The following MAPRE2 variants were observed in gnomAD, a reference collection of about 807,000 sequenced individuals.
MAPRE2 encodes the protein microtubule-associated protein RP/EB family member 2.
A neutral mutation model predicts 43.2 loss-of-function variants in MAPRE2; 13 were observed. The ratio of observed to expected loss-of-function variants is 0.30; its 90% CI spans 0.20 to 0.48. The LOEUF is 0.48. Ranked by LOEUF, MAPRE2 falls within the 20% of genes least tolerant of loss-of-function variation. MAPRE2 has a pLI of 0.99. For missense variants in MAPRE2, 161 were observed against 400.2 expected (o/e 0.40, Z 5.10); for synonymous variants, 135 against 148.8 (o/e 0.91, Z 0.68).
intron 1 of MAPRE2, among the ~76,000 whole-genome samples, chr18:34,992,324 G>T (rs1439786302): frequency 6.6e-6 from 1 of 152,190 alleles, no homozygotes; most frequent in African/African-American, 2.4e-5. Context: ...TTAGTTCAAA[G>T]TCTGTGCAAT....
intron 2 of MAPRE2, among the ~76,000 whole-genome samples, chr18:35,080,923 C>A (rs1907599666): frequency 6.6e-6 from 1 of 152,074 alleles, no homozygotes; most frequent in South Asian, 2.1e-4. Context: ...TATTAATACT[C>A]ATAAGCTTTT....
At chr18:35,092,986 C>A (rs1908225036) in intron 2 of MAPRE2, among the ~76,000 whole-genome samples, 1 of 151,912 alleles carries the variant, frequency 6.6e-6, no homozygotes, top group African/African-American at 2.4e-5. Context: ...CTGAGGTGGG[C>A]AGATCACTTG....
intron 1 of MAPRE2, among the ~76,000 whole-genome samples, chr18:35,056,843 G>A (rs1906258276): frequency 4.6e-5 from 7 of 152,098 alleles, no homozygotes; most frequent in Admixed American, 3.3e-4. Context: ...CCTAACATTT[G>A]TTAAACTACT....
chr18:35,063,999 T>TGAAAAAAAAAAAA (rs1568989696), intron 1 of MAPRE2, among the ~76,000 whole-genome samples: 1 of 60,694 alleles, frequency 1.6e-5, no homozygotes. Context: ...CCCTGTCTCT[T>TGAAAAAAAAAAAA]TAAAAAAAAA....
intron 1 of MAPRE2, among the ~76,000 whole-genome samples, chr18:35,059,036 T>A (rs1040527731): frequency 6.7e-6 from 1 of 148,798 alleles, no homozygotes; most frequent in Non-Finnish European, 1.5e-5. Context: ...ATGGCATTGT[T>A]GCAAAGATTA....
chr18:35,120,129 C>G (rs947082325), intron 4 of MAPRE2, among the ~76,000 whole-genome samples: 1 of 152,208 alleles, frequency 6.6e-6, no homozygotes, highest in Non-Finnish European at 1.5e-5. Context: ...TAAGAAGGCT[C>G]TCTGGCTGCA....
In MAPRE2 at chr18:35,058,144, A is replaced by G. The variant is rs149437944; in HGVS notation, c.123-12051A>G. On this transcript the variant is annotated intron_variant, in intron 1 of 6. Transcript: ENST00000300249. ...TTTTGATTCTGTGTCAGAGTCTACT[A>G]TGGAAATAATTAAGAAGAGTAGATA... Among the ~76,000 whole-genome samples, 11 of 152,312 alleles carry G rather than the reference A, an allele frequency of 7.2e-5. No homozygotes were observed. The East Asian group carries it at 1.5e-3, about 21-fold the overall frequency.
chr18:35,020,528 G>A (rs1159892286), intron 2 of MAPRE2, among the ~76,000 whole-genome samples: 1 of 146,860 alleles, frequency 6.8e-6, no homozygotes, highest in Non-Finnish European at 1.5e-5. Flanking sequence ...GCTTAGCTTA[G>A]AGAAAAGCTT....
chr18:35,037,716 T>C (rs998803096), upstream of MAPRE2, among the ~76,000 whole-genome samples: 5 of 152,130 alleles, frequency 3.3e-5, no homozygotes, highest in African/African-American at 9.7e-5. Flanking sequence ...TGCTGGGTAG[T>C]GGGGAACCGG....
intron 5 of MAPRE2, among the ~76,000 whole-genome samples, chr18:35,127,832 G>C (rs1373996280): frequency 6.6e-6 from 1 of 152,180 alleles, no homozygotes; most frequent in Non-Finnish European, 1.5e-5. Context: ...AATCTAACTA[G>C]CTCCACTAGT....
chr18:35,001,292 C>T (rs2097029203), intron 1 of MAPRE2, among the ~76,000 whole-genome samples: 1 of 152,110 alleles, frequency 6.6e-6, no homozygotes, highest in African/African-American at 2.4e-5. Flanking sequence ...CAGGCAGCCT[C>T]ACTTGAGGCC....
upstream of MAPRE2, among the ~76,000 whole-genome samples, chr18:35,036,520 C>T (rs188040910): frequency 8.5e-4 from 130 of 152,272 alleles, no homozygotes; most frequent in South Asian, 1.7e-3. Context: ...CATCTCCTAC[C>T]ACTGTGTTTG....
intron 1 of MAPRE2, among the ~76,000 whole-genome samples, chr18:35,002,193 A>G (rs2097029710): frequency 6.6e-6 from 1 of 152,226 alleles, no homozygotes; most frequent in Non-Finnish European, 1.5e-5. Flanking sequence ...TATGCAGTAT[A>G]TAACTTTTAA....
intron 1 of MAPRE2, among the ~76,000 whole-genome samples, chr18:34,981,401 G>T (rs945892385): frequency 6.6e-6 from 1 of 151,512 alleles, no homozygotes; most frequent in Non-Finnish European, 1.5e-5. Context: ...AAGACTAATC[G>T]GATTACTCCA....
chr18:35,134,105 C>T (rs1053174284), intron 6 of MAPRE2, among the ~76,000 whole-genome samples: 1 of 152,172 alleles, frequency 6.6e-6, no homozygotes, highest in Non-Finnish European at 1.5e-5. Flanking sequence ...GGGTCTAGGA[C>T]TTGACGTATA....
At chr18:35,070,124 C>T in intron 1 of MAPRE2, 71 bp from the exon 2 acceptor site, 1 of 1,407,804 alleles carries the variant, frequency 7.1e-7, no homozygotes. Context: ...AGGATCTTGA[C>T]CTCGAATAGG....
intron 2 of MAPRE2, among the ~76,000 whole-genome samples, chr18:35,034,113 T>C (rs2097049244): frequency 6.6e-6 from 1 of 152,050 alleles, no homozygotes; most frequent in East Asian, 1.9e-4. Flanking sequence ...CTTCAAACTA[T>C]ACTACAAGGC....
upstream of MAPRE2, among the ~76,000 whole-genome samples, chr18:35,039,343 C>T (rs1311538457): frequency 6.6e-6 from 1 of 152,220 alleles, no homozygotes; most frequent in African/African-American, 2.4e-5. Context: ...GCAAGAATGA[C>T]TACACTCTCA....
chr18:35,037,110 T>A (rs1011512096), upstream of MAPRE2, among the ~76,000 whole-genome samples: 1 of 152,044 alleles, frequency 6.6e-6, no homozygotes, highest in African/African-American at 2.4e-5. Flanking sequence ...TGACAATTAT[T>A]TTTACCCTTG....
Sources: gnomAD v4.1 joint callset for allele counts (sites outside exome capture counted in the v4.1 genomes callset) on GRCh38, gnomAD v4.1.1 for gene constraint, MANE v1.5 for transcripts, NCBI Gene and HGNC (gene_info 2026-07-23, HGNC 2026-07-21) for gene names.